Variants in ERI3 observed in about 807,000 individuals in gnomAD.
ERI3 encodes ERI1 exoribonuclease family member 3, also known as ERI1 exoribonuclease 3.
In ERI3, 18 loss-of-function variants were observed where a neutral mutation model predicts 44.4. That is an observed-to-expected ratio of 0.41 (90% CI 0.28 to 0.60). The LOEUF is 0.60. Ranked by LOEUF, ERI3 falls within the 20% of genes least tolerant of loss-of-function variation. The pLI is 0.36. For missense variants in ERI3, 294 were observed against 435.5 expected (o/e 0.68, Z 2.89); for synonymous variants, 183 against 164.8 (o/e 1.11, Z -0.84).
chr1:44,302,439 A>G (rs1163877263), intron 6 of ERI3, among the ~76,000 whole-genome samples: 1 of 152,192 alleles, frequency 6.6e-6, no homozygotes, highest in African/African-American at 2.4e-5. Context: ...GCTGGTACCA[A>G]CTGGTACACC....
intron 7 of ERI3, among the ~76,000 whole-genome samples, chr1:44,266,499 C>T (rs751010945): frequency 6.6e-6 from 1 of 152,172 alleles, no homozygotes; most frequent in Non-Finnish European, 1.5e-5. Context: ...GCACAGGAAA[C>T]AACTTATCAC....
At chr1:44,337,059 G>A (rs1646549294) in intron 3 of ERI3, among the ~76,000 whole-genome samples, 1 of 152,112 alleles carries the variant, frequency 6.6e-6, no homozygotes, top group Non-Finnish European at 1.5e-5. Context: ...AAAGATGAAA[G>A]GTGACATTGA....
At chr1:44,339,357 AAGAAAAG>A in intron 2 of ERI3, 35 bp from the exon 3 acceptor site, 1 of 1,444,388 alleles carries the variant, frequency 6.9e-7, no homozygotes, top group Non-Finnish European at 9.2e-7. Flanking sequence ...AAAAAAAAAA[AAGAAAAG>A]AAAGAAAAAA....
chr1:44,322,895 C>T, intron 3 of ERI3: 3 of 1,534,918 alleles, frequency 2.0e-6, no homozygotes, highest in African/African-American at 1.4e-5. Context: ...TGATAATGAT[C>T]AGAGATGGAA....
Position 44,221,710 on chromosome 1 carries a change from A to T in ERI3, c.932-70T>A. ...CTCCATGCCCACAGGTGCTCTTACA[A>T]GGGTGGGGGTGGGAAGCAGGGTCAG... On this transcript the variant is annotated intron_variant, in intron 8 of 8. Coordinates refer to ENST00000372257, the MANE Select transcript of ERI3 (RefSeq NM_024066.3). The surrounding 1 kb of genome is among the most constrained non-coding windows in gnomAD (Gnocchi z 5.9). 72 of 1,014,132 alleles carry T rather than the reference A, an allele frequency of 7.1e-5. No individual in the cohort carries two copies. Among genetic ancestry groups the T allele is most frequent in the Non-Finnish European group, 9.5e-5 (62 of 653,290 alleles). The allele number at this position is 1,014,132 out of a possible 1,614,324, so 62.8% of individuals were successfully genotyped here. A position where few individuals can be genotyped will look rare whatever the true frequency, so the allele number is the denominator to read the frequency against.
intron 7 of ERI3, among the ~76,000 whole-genome samples, chr1:44,272,880 A>C (rs576327895): frequency 1.3e-5 from 2 of 151,088 alleles, no homozygotes; most frequent in South Asian, 2.1e-4. Context: ...ATAAAATAAA[A>C]TAAACTACAA....
chr1:44,306,427 C>T (rs191058341), intron 6 of ERI3, among the ~76,000 whole-genome samples: 77 of 152,270 alleles, frequency 5.1e-4, no homozygotes, highest in Non-Finnish European at 8.4e-4. Context: ...GTAAGGTATG[C>T]GCTCATTAAG....
intron 1 of ERI3, chr1:44,353,220 G>A (rs1225381265): frequency 1.0e-6 from 1 of 985,078 alleles, no homozygotes; most frequent in African/African-American, 1.8e-5. Context: ...CAGAATCCTA[G>A]TCTAGTCAAG....
intron 5 of ERI3, among the ~76,000 whole-genome samples, chr1:44,312,685 C>T (rs1420504000): frequency 2.0e-5 from 3 of 152,364 alleles, no homozygotes; most frequent in South Asian, 4.1e-4. Context: ...GTGGGGCAGG[C>T]GGGCCCAGCC....
intron 7 of ERI3, among the ~76,000 whole-genome samples, chr1:44,280,181 GTATT>G (rs1456007200): frequency 1.3e-5 from 2 of 152,160 alleles, no homozygotes; most frequent in Non-Finnish European, 2.9e-5. Context: ...ATTTATTGTG[GTATT>G]TATGTATTTC....
intron 8 of ERI3, among the ~76,000 whole-genome samples, chr1:44,236,415 C>A (rs532632053): frequency 4.8e-4 from 73 of 152,176 alleles, no homozygotes; most frequent in Non-Finnish European, 8.1e-4. Context: ...TGATTAAATG[C>A]TACAAATGGG....
intron 3 of ERI3, among the ~76,000 whole-genome samples, chr1:44,337,354 TA>T (rs1646555283): frequency 6.6e-6 from 1 of 152,164 alleles, no homozygotes. Flanking sequence ...ATAGAAGAAA[TA>T]ATATGACATA....
chr1:44,273,855 G>A (rs1208557392), intron 7 of ERI3, among the ~76,000 whole-genome samples: 2 of 152,188 alleles, frequency 1.3e-5, no homozygotes, highest in Non-Finnish European at 2.9e-5. Flanking sequence ...GTAAGGGGAG[G>A]TGAGACAGTC....
chr1:44,267,967 C>T (rs6663917), intron 7 of ERI3, among the ~76,000 whole-genome samples: 1,604 of 152,316 alleles, frequency 0.011, 18 homozygotes, highest in South Asian at 0.025. Flanking sequence ...ACTAGCTCAT[C>T]GGGGTAGCTC....
chr1:44,306,040 G>C (rs770976100), intron 6 of ERI3, among the ~76,000 whole-genome samples: 1 of 152,212 alleles, frequency 6.6e-6, no homozygotes, highest in Non-Finnish European at 1.5e-5. Flanking sequence ...GCTGTGCGCT[G>C]TCACGCAGCA....
intron 7 of ERI3, among the ~76,000 whole-genome samples, chr1:44,266,970 G>C (rs1265592327): frequency 6.6e-6 from 1 of 152,172 alleles, no homozygotes; most frequent in Non-Finnish European, 1.5e-5. Flanking sequence ...TACCACTGTA[G>C]CTAGTAAGAG....
intron 8 of ERI3, among the ~76,000 whole-genome samples, chr1:44,239,987 A>T (rs1330393513): frequency 6.6e-6 from 1 of 152,192 alleles, no homozygotes; most frequent in Non-Finnish European, 1.5e-5. Context: ...CCCCTTGCAC[A>T]CGTGTCCCTG....
intron 7 of ERI3, among the ~76,000 whole-genome samples, chr1:44,256,512 GT>G (rs1444690474): frequency 3.9e-5 from 6 of 152,218 alleles, no homozygotes; most frequent in Non-Finnish European, 1.5e-5. Flanking sequence ...TGTGTACAGT[GT>G]TCTCCGGCTA....
intron 8 of ERI3, among the ~76,000 whole-genome samples, chr1:44,247,059 AT>A (rs1644569376): frequency 6.6e-6 from 1 of 152,162 alleles, no homozygotes; most frequent in Non-Finnish European, 1.5e-5. Context: ...ACAAAATAAG[AT>A]ATACAGAACT....
Sources: gnomAD v4.1 joint callset for allele counts (sites outside exome capture counted in the v4.1 genomes callset) on GRCh38, gnomAD v4.1.1 for gene constraint, Gnocchi (gnomAD v3.1) non-coding constraint, MANE v1.5 for transcripts, NCBI Gene and HGNC (gene_info 2026-07-23, HGNC 2026-07-21) for gene names.